The following SHC3 variants were observed in gnomAD, a reference collection of about 807,000 sequenced individuals.
SHC3 encodes the protein SHC adaptor protein 3.
SHC3 carries 15 observed loss-of-function variants against 60.4 expected under a neutral mutation model. The observed-to-expected ratio is 0.25, with a 90% confidence interval of 0.17 to 0.38. The LOEUF is 0.38. SHC3 is among the 10% of genes least tolerant of loss of function. The pLI, the probability that SHC3 is intolerant of heterozygous loss-of-function variation, is 1.00. For missense variants in SHC3, 677 were observed against 786.1 expected, an observed-to-expected ratio of 0.86 and a Z score of 1.66; for synonymous variants, 294 against 325.9, an observed-to-expected ratio of 0.90 and a Z score of 1.05.
intron 1 of SHC3, among the ~76,000 whole-genome samples, chr9:89,154,482 T>C (rs975582612): frequency 3.3e-5 from 5 of 152,138 alleles, no homozygotes; most frequent in African/African-American, 9.7e-5. Flanking sequence ...GAGGGTTGGG[T>C]GTGAAAAGTG....
intron 1 of SHC3, among the ~76,000 whole-genome samples, chr9:89,169,806 A>C (rs2118264702): frequency 6.6e-6 from 1 of 152,264 alleles, no homozygotes; most frequent in South Asian, 2.1e-4. Context: ...TGTTGTGTTT[A>C]TATGTTTCCT....
Position 89,012,149 on chromosome 9 carries a change from T to C in SHC3, c.*1298A>G, listed in dbSNP as rs1826021044. 1 of 152,238 alleles carries C rather than the reference T, an allele frequency of 6.6e-6. No homozygotes were observed. The highest frequency in any genetic ancestry group is 1.9e-4 in the East Asian group (1 of 5,202). 9.4% of individuals were successfully genotyped at this position (152,238 alleles called of 1,614,324 possible). A position where few individuals can be genotyped will look rare whatever the true frequency, so the allele number is the denominator to read the frequency against. ...CAAGCAAATGGATCCATCTATTCTTTAAAGGGCATCTGTGAAAATCACAGG... is the reference window on the plus strand; with the variant it reads ...CAAGCAAATGGATCCATCTATTCTTCAAAGGGCATCTGTGAAAATCACAGG... On this transcript the variant is annotated 3_prime_UTR_variant, in exon 12 of 12. Transcript: ENST00000375835.
At chr9:89,146,885 G>A (rs998170327) in intron 1 of SHC3, among the ~76,000 whole-genome samples, 3 of 152,130 alleles carry the variant, frequency 2.0e-5, no homozygotes, top group Non-Finnish European at 4.4e-5. Context: ...ACCATTTTCC[G>A]AATGTTTGGC....
intron 1 of SHC3, among the ~76,000 whole-genome samples, chr9:89,141,121 G>A (rs1382383990): frequency 1.3e-5 from 2 of 152,178 alleles, no homozygotes; most frequent in Non-Finnish European, 2.9e-5. Context: ...AATGGTAATG[G>A]TCATGCAGAT....
Position 89,178,340 on chromosome 9 carries a change from G to C in SHC3, c.121C>G (p.Pro41Ala), listed in dbSNP as rs775123743. The change falls in exon 1 of 12, where the codon CCG becomes GCG. Residue 41 changes from proline (P) to alanine (A), a missense_variant. Physicochemically the swap from Pro to Ala is conservative, Grantham distance 27. Coordinates refer to ENST00000375835, the MANE Select transcript of SHC3 (RefSeq NM_016848.6). The surrounding 1 kb of genome is among the most constrained non-coding windows in gnomAD (Gnocchi z 6.9). Reference protein sequence around the residue: ...GGKVSAARATPAAAPYLVSGE... With the variant: ...GGKVSAARATAAAAPYLVSGE... ...GACACCAAGTAGGGAGCCGCCGCCG[G>C]GGTCGCGCGCGCCGCCGAAACCTTG... 14 of 1,595,434 alleles carry C rather than the reference G, an allele frequency of 8.8e-6. No individual in the cohort carries two copies. Among genetic ancestry groups the C allele is most frequent in the Non-Finnish European group, 1.1e-5 (13 of 1,172,932 alleles).
At chr9:89,165,676 G>A (rs1354918614) in intron 1 of SHC3, among the ~76,000 whole-genome samples, 1 of 152,152 alleles carries the variant, frequency 6.6e-6, no homozygotes, top group African/African-American at 2.4e-5. Flanking sequence ...TGATGACTTG[G>A]GGGGTCTCAG....
chr9:89,089,165 CA>C (rs1202496249), intron 2 of SHC3, among the ~76,000 whole-genome samples: 2 of 152,152 alleles, frequency 1.3e-5, no homozygotes, highest in African/African-American at 4.8e-5. Flanking sequence ...GATGATGCAC[CA>C]GAAGCTGGCT....
chr9:89,163,600 G>T (rs1347018663), intron 1 of SHC3, among the ~76,000 whole-genome samples: 1 of 110,188 alleles, frequency 9.1e-6, no homozygotes, highest in African/African-American at 3.5e-5. Context: ...GTTGTGGGGT[G>T]GGGGGAGGGG....
At chr9:89,051,221 A>G (rs1452376419) in intron 7 of SHC3, among the ~76,000 whole-genome samples, 3 of 152,222 alleles carry the variant, frequency 2.0e-5, no homozygotes, top group African/African-American at 7.2e-5. Context: ...TAGGAACAGT[A>G]AAGTTTTGTT....
intron 1 of SHC3, among the ~76,000 whole-genome samples, chr9:89,147,751 A>C (rs908719323): frequency 6.6e-6 from 1 of 151,984 alleles, no homozygotes; most frequent in African/African-American, 2.4e-5. Flanking sequence ...AACTCAAAAC[A>C]AAGGAAATCT....
intron 1 of SHC3, among the ~76,000 whole-genome samples, chr9:89,167,628 T>C (rs1056705778): frequency 6.6e-6 from 1 of 152,220 alleles, no homozygotes; most frequent in African/African-American, 2.4e-5. Context: ...CCTGCCTAGT[T>C]CCATTTTCTG....
At chr9:89,173,438 A>T (rs1337372975) in intron 1 of SHC3, among the ~76,000 whole-genome samples, 1 of 152,264 alleles carries the variant, frequency 6.6e-6, no homozygotes, top group Non-Finnish European at 1.5e-5. Flanking sequence ...CAAAGGTAAG[A>T]CACCGTGCGG....
chr9:89,155,189 C>T (rs983329071), intron 1 of SHC3, among the ~76,000 whole-genome samples: 15 of 152,134 alleles, frequency 9.9e-5, no homozygotes, highest in African/African-American at 3.1e-4. Context: ...GTTTCTGGTT[C>T]GACGGAGCCA....
intron 11 of SHC3, among the ~76,000 whole-genome samples, chr9:89,035,830 A>ATATAT (rs1824563382): frequency 1.4e-4 from 15 of 106,456 alleles, no homozygotes; most frequent in African/African-American, 5.0e-4. Flanking sequence ...AAACAAACAA[A>ATATAT]ATATATATAT....
At chr9:89,048,618 A>T (rs1192589574) in intron 7 of SHC3, among the ~76,000 whole-genome samples, 1 of 152,226 alleles carries the variant, frequency 6.6e-6, no homozygotes, top group East Asian at 1.9e-4. Context: ...ATAACAAATC[A>T]ACTGAACTGT....
At position 89,171,810 on chromosome 9, in the gene SHC3, C is replaced by A. The variant is rs139645669; in HGVS notation, c.474+6177G>T. ...GCTTCACTGCAGATCCTCACAGGCA[C>A]CTGGGCTCATGGCTAGAAACCCAAA... On this transcript the variant is annotated intron_variant, in intron 1 of 11. Transcript: ENST00000375835. 4.5e-4 allele frequency among the ~76,000 whole-genome samples: 69 copies of A among 152,308 alleles called. 1 individual carries two copies. The East Asian group carries it at 0.012, about 27-fold the overall frequency.
chr9:89,046,264 T>G (rs547784546), intron 8 of SHC3, among the ~76,000 whole-genome samples: 10 of 152,148 alleles, frequency 6.6e-5, no homozygotes, highest in Middle Eastern at 3.4e-3. Flanking sequence ...ATCAGGAAAT[T>G]CCCTCTCAGT....
chr9:89,165,373 C>T (rs919421260), intron 1 of SHC3, among the ~76,000 whole-genome samples: 1 of 151,718 alleles, frequency 6.6e-6, no homozygotes, highest in Non-Finnish European at 1.5e-5. Context: ...AGGAAGAGAA[C>T]TGAGAGGAAA....
chr9:89,094,506 T>C (rs1321034137), intron 2 of SHC3, among the ~76,000 whole-genome samples: 1 of 152,222 alleles, frequency 6.6e-6, no homozygotes, highest in African/African-American at 2.4e-5. Flanking sequence ...GTAGGAAGAT[T>C]GTAGAAGTAA....
Sources: gnomAD v4.1 joint callset for allele counts (sites outside exome capture counted in the v4.1 genomes callset) on GRCh38, gnomAD v4.1.1 for gene constraint, Gnocchi (gnomAD v3.1) non-coding constraint, MANE v1.5 for transcripts, NCBI Gene and HGNC (gene_info 2026-07-23, HGNC 2026-07-21) for gene names.